Variants in TMEM203 observed in about 807,000 individuals in gnomAD.
The protein encoded by TMEM203 is HBeAg-binding protein 1.
In TMEM203, 4 loss-of-function variants were observed where a neutral mutation model predicts 7.9. That is an observed-to-expected ratio of 0.51 (90% confidence interval 0.25 to 1.16). The LOEUF is 1.16. Among genes scored for constraint, TMEM203 ranks in the 50% most tolerant of loss-of-function variants. The pLI, the probability that TMEM203 is intolerant of heterozygous loss-of-function variation, is 0.15. For missense variants in TMEM203, 127 were observed against 174.4 expected (o/e 0.73, Z 1.53); for synonymous variants, 92 against 82.5 (o/e 1.11, Z -0.62).
In TMEM203 at chr9:137,204,752, C is replaced by G. The variant is rs1234109026; in HGVS notation, c.*252G>C. On this transcript the variant is annotated 3_prime_UTR_variant, in exon 1 of 1. Coordinates refer to ENST00000343666, the MANE Select transcript of TMEM203 (RefSeq NM_053045.2). The stretch of plus-strand genomic sequence containing the variant: ...GGCCTGGGGGGCCTCCTCATGACCT[C>G]AATTCAGGATTATCTACTCAAAGCA... 1 of 521,558 alleles carries G rather than the reference C, an allele frequency of 1.9e-6. No homozygotes were observed. Among genetic ancestry groups the G allele is most frequent in the East Asian group, 3.3e-5 (1 of 30,766 alleles). The allele number at this position is 521,558 out of a possible 1,614,324, so 32.3% of individuals were successfully genotyped here. A position where few individuals can be genotyped will look rare whatever the true frequency, so the allele number is the denominator to read the frequency against.
At position 137,205,358 on chromosome 9, in the gene TMEM203, G is replaced by C. The variant is rs1488115348; in HGVS notation, c.57C>G (p.Ile19Met). ...CCAACAGGGCCAGCAGGTGCACGAA[G>C]ATCTCGAAGGTGGCGAAGCCTAGCC... ...VQWLGFATFE[I>M]FVHLLALLVF... The change falls in exon 1 of 1, where the codon ATC (isoleucine) becomes ATG (methionine). Residue 19 changes from isoleucine (I) to methionine (M), a missense_variant. By Grantham distance (10) the Ile-to-Met change is conservative. Transcript: ENST00000343666. 2 of 1,606,802 alleles carry C rather than the reference G, an allele frequency of 1.2e-6. No homozygotes were observed. The highest frequency in any genetic ancestry group is 1.7e-6 in the Non-Finnish European group (2 of 1,177,314).
Position 137,204,885 on chromosome 9 carries a change from C to G in TMEM203, c.*119G>C, listed in dbSNP as rs973860200. The G allele has an allele frequency of 1.4e-5, 19 of 1,371,338 alleles. No individual in the cohort carries two copies. The highest frequency in any genetic ancestry group is 1.7e-5 in the Non-Finnish European group (18 of 1,033,164). 84.9% of individuals were successfully genotyped at this position (1,371,338 alleles called of 1,614,324 possible). A position where few individuals can be genotyped will look rare whatever the true frequency, so the allele number is the denominator to read the frequency against. ...TAGGGAAACCCGGCACTCAGCTCGG[C>G]GCAAGCCGGCGGTGCCTTCAGACTA... On this transcript the variant is annotated 3_prime_UTR_variant, in exon 1 of 1. Coordinates refer to ENST00000343666, the MANE Select transcript of TMEM203 (RefSeq NM_053045.2).
In TMEM203 at chr9:137,204,760, G is replaced by T; in HGVS notation, c.*244C>A. 1 of 554,744 alleles carries T rather than the reference G, an allele frequency of 1.8e-6. No homozygotes were observed. The highest frequency in any genetic ancestry group is 3.1e-5 in the East Asian group (1 of 32,408). 34.4% of individuals were successfully genotyped at this position (554,744 alleles called of 1,614,324 possible). ...GGGCCTCCTCATGACCTCAATTCAG[G>T]ATTATCTACTCAAAGCATTAAACAA... On this transcript the variant is annotated 3_prime_UTR_variant, in exon 1 of 1. Coordinates refer to ENST00000343666, the MANE Select transcript of TMEM203 (RefSeq NM_053045.2).
rs750625061 is a variant in TMEM203, at chr9:137,204,989, G to A, written c.*15C>T. 12 of 1,595,058 alleles carry A rather than the reference G, an allele frequency of 7.5e-6. No homozygotes were observed. The highest frequency in any genetic ancestry group is 8.6e-6 in the Non-Finnish European group (10 of 1,167,374). On this transcript the variant is annotated 3_prime_UTR_variant, in exon 1 of 1. Transcript: ENST00000343666. ...TCTAGTTGTCCAGCGCTCCCTCTCC[G>A]GCACCTCGGTGAGGCTAGTTGACCC...
In TMEM203 at chr9:137,205,379, T is replaced by G; in HGVS notation, c.36A>C (p.Leu12=). Reference sequence around the variant, plus strand: ...CGAAGATCTCGAAGGTGGCGAAGCCTAGCCACTGCACCAGCTCCCGGAGCG... The same window carrying G: ...CGAAGATCTCGAAGGTGGCGAAGCCGAGCCACTGCACCAGCTCCCGGAGCG... The part of the protein sequence containing the change: ...LFSLRELVQW[L]GFATFEIFVH... The change falls in exon 1 of 1, where the codon CTA becomes CTC. Residue 12 remains leucine, a synonymous_variant. Transcript: ENST00000343666. The G allele has an allele frequency of 6.3e-7, 1 of 1,599,306 alleles. No homozygotes were observed.
In TMEM203 at chr9:137,205,575, T is replaced by A; in HGVS notation, c.-161A>T. On this transcript the variant is annotated 5_prime_UTR_variant, in exon 1 of 1. Coordinates refer to ENST00000343666, the MANE Select transcript of TMEM203 (RefSeq NM_053045.2). ...GCCCTCGGCCCTGATGCGCCGGCAATCCCCCGGCCCCGACCCGGGACTCAA... is the reference window on the plus strand; with the variant it reads ...GCCCTCGGCCCTGATGCGCCGGCAAACCCCCGGCCCCGACCCGGGACTCAA... The A allele has an allele frequency of 8.4e-7, 1 of 1,189,744 alleles. No homozygotes were observed. Among genetic ancestry groups the A allele is most frequent in the Non-Finnish European group, 1.1e-6 (1 of 893,558 alleles). 73.7% of individuals were successfully genotyped at this position (1,189,744 alleles called of 1,614,324 possible).
rs985290864 is a variant in TMEM203, at chr9:137,205,586, C to T, written c.-172G>A. ...TGATGCGCCGGCAATCCCCCGGCCC[C>T]GACCCGGGACTCAACCCTGGCCGCC... is the stretch of plus-strand genomic sequence containing the variant. On this transcript the variant is annotated 5_prime_UTR_variant, in exon 1 of 1. Coordinates refer to ENST00000343666, the MANE Select transcript of TMEM203 (RefSeq NM_053045.2). 36 of 1,210,154 alleles carry T rather than the reference C, an allele frequency of 3.0e-5. No individual in the cohort carries two copies. The highest frequency in any genetic ancestry group is 3.9e-5 in the Non-Finnish European group (35 of 902,296). The allele number at this position is 1,210,154 out of a possible 1,614,324, so 75.0% of individuals were successfully genotyped here. A position where few individuals can be genotyped will look rare whatever the true frequency, so the allele number is the denominator to read the frequency against.
At position 137,205,048 on chromosome 9, in the gene TMEM203, T is replaced by C; in HGVS notation, c.367A>G (p.Ile123Val). ...WFGLITSPLFILLQLLMIRAC... is the reference protein window; with the variant it reads ...WFGLITSPLFVLLQLLMIRAC... ...CGGATCATGAGCAGCTGCAGGAGAA[T>C]GAAGAGCGGGGACGTAATGAGGCCG... Residue 123 changes from isoleucine (I) to valine (V), a missense_variant, in exon 1 of 1, where the codon ATT becomes GTT. Coordinates refer to ENST00000343666, the MANE Select transcript of TMEM203 (RefSeq NM_053045.2). 3.7e-6 allele frequency: 6 copies of C among 1,612,534 alleles called. No individual in the cohort carries two copies. The highest frequency in any genetic ancestry group is 5.1e-6 in the Non-Finnish European group (6 of 1,179,742).
Position 137,205,149 on chromosome 9 carries a change from G to GT in TMEM203, c.265dup (p.Thr89AsnfsTer65). 1 of 1,612,836 alleles carries GT rather than the reference G, an allele frequency of 6.2e-7. No individual in the cohort carries two copies. The highest frequency in any genetic ancestry group is 8.5e-7 in the Non-Finnish European group (1 of 1,179,962). The stretch of plus-strand genomic sequence containing the variant: ...GAAGACGAACTTGAGACTCAGGACC[G>GT]TAAGTACCCAGAAAAGGCGGAGCAC... On this transcript the variant is annotated frameshift_variant, in exon 1 of 1. Coordinates refer to ENST00000343666, the MANE Select transcript of TMEM203 (RefSeq NM_053045.2). LOFTEE classifies it high-confidence loss of function.
rs926512396 is a variant in TMEM203, at chr9:137,204,089, A to G, written c.*915T>C. On this transcript the variant is annotated 3_prime_UTR_variant, in exon 1 of 1. Transcript: ENST00000343666. ...ACAGGCAACCACTATTCATTTCAGG[A>G]AAACATTCTCTTACTTTATTTGCAT... is the stretch of plus-strand genomic sequence containing the variant. The G allele has an allele frequency of 6.6e-6, 1 of 152,222 alleles. No homozygotes were observed. The highest frequency in any genetic ancestry group is 1.5e-5 in the Non-Finnish European group (1 of 68,036). The allele number at this position is 152,222 out of a possible 1,614,324, so 9.4% of individuals were successfully genotyped here.
rs775591653 is a variant in TMEM203 at position 137,205,136 on chromosome 9, G to A, written c.279C>T (p.Leu93=). Residue 93 remains leucine (L), a synonymous_variant, in exon 1 of 1, where the codon CTC becomes CTT. Transcript: ENST00000343666. ...ACAACAGCATCTCGAAGACGAACTT[G>A]AGACTCAGGACCGTAAGTACCCAGA... The part of the protein sequence containing the change: ...RLFWVLTVLS[L]KFVFEMLLCQ... 4.3e-6 allele frequency: 7 copies of A among 1,612,944 alleles called. No homozygotes were observed. The South Asian group carries it at 6.6e-5, about 15-fold the overall frequency.
chr9:137,205,586 C>A lies in TMEM203; in HGVS notation c.-172G>T. The A allele has an allele frequency of 8.3e-7, 1 of 1,210,268 alleles. No homozygotes were observed. The highest frequency in any genetic ancestry group is 1.1e-6 in the Non-Finnish European group (1 of 902,288). The allele number at this position is 1,210,268 out of a possible 1,614,324, so 75.0% of individuals were successfully genotyped here. On this transcript the variant is annotated 5_prime_UTR_variant, in exon 1 of 1. Transcript: ENST00000343666. ...TGATGCGCCGGCAATCCCCCGGCCC[C>A]GACCCGGGACTCAACCCTGGCCGCC...
rs1485302751 is a variant in TMEM203 at position 137,204,878 on chromosome 9, AG to A, written c.*125del. 3.0e-6 allele frequency: 4 copies of A among 1,313,660 alleles called. No individual in the cohort carries two copies. In the African/African-American group the frequency reaches 6.0e-5, roughly 20 times the overall value. The allele number at this position is 1,313,660 out of a possible 1,614,324, so 81.4% of individuals were successfully genotyped here. On this transcript the variant is annotated 3_prime_UTR_variant, in exon 1 of 1. Coordinates refer to ENST00000343666, the MANE Select transcript of TMEM203 (RefSeq NM_053045.2). The stretch of plus-strand genomic sequence containing the variant: ...ATTGGAATAGGGAAACCCGGCACTC[AG>A]CTCGGCGCAAGCCGGCGGTGCCTTC...
chr9:137,205,449 G>C lies in TMEM203; in HGVS notation c.-35C>G. On this transcript the variant is annotated 5_prime_UTR_variant, in exon 1 of 1. Coordinates refer to ENST00000343666, the MANE Select transcript of TMEM203 (RefSeq NM_053045.2). ...TGAGCGCGGGCCGGGGCCCGGCCGA[G>C]CGTGCCACCCGCGGGGCTGCGTCTC... The C allele has an allele frequency of 2.0e-6, 3 of 1,471,590 alleles. No individual in the cohort carries two copies. The highest frequency in any genetic ancestry group is 2.7e-6 in the Non-Finnish European group (3 of 1,107,592). The allele number at this position is 1,471,590 out of a possible 1,614,324, so 91.2% of individuals were successfully genotyped here. A position where few individuals can be genotyped will look rare whatever the true frequency, so the allele number is the denominator to read the frequency against.
In TMEM203 at chr9:137,204,963, T is replaced by A. The variant is rs1049809524; in HGVS notation, c.*41A>T. The stretch of plus-strand genomic sequence containing the variant: ...GTAGGGCCTCGGCTCGAGGTCAACA[T>A]TCTAGTTGTCCAGCGCTCCCTCTCC... On this transcript the variant is annotated 3_prime_UTR_variant, in exon 1 of 1. Transcript: ENST00000343666. 1.3e-6 allele frequency: 2 copies of A among 1,570,410 alleles called. No homozygotes were observed. The highest frequency in any genetic ancestry group is 1.7e-6 in the Non-Finnish European group (2 of 1,154,808).
rs1834886923 is a variant in TMEM203, at chr9:137,204,780, A to G, written c.*224T>C. The G allele has an allele frequency of 3.2e-6, 2 of 623,114 alleles. No individual in the cohort carries two copies. Among genetic ancestry groups the G allele is most frequent in the Non-Finnish European group, 5.4e-6 (2 of 370,196 alleles). 38.6% of individuals were successfully genotyped at this position (623,114 alleles called of 1,614,324 possible). On this transcript the variant is annotated 3_prime_UTR_variant, in exon 1 of 1. Transcript: ENST00000343666. ...TTCAGGATTATCTACTCAAAGCATT[A>G]AACAAAAGGAAATACATTTTCAGGA... is the stretch of plus-strand genomic sequence containing the variant.
chr9:137,205,381 G>A lies in TMEM203; in HGVS notation c.34C>T (p.Leu12=), dbSNP rs1157268978. Residue 12 remains leucine (L), a synonymous_variant, in exon 1 of 1, where the codon CTA becomes TTA. Coordinates refer to ENST00000343666, the MANE Select transcript of TMEM203 (RefSeq NM_053045.2). The part of the protein sequence containing the change: ...LFSLRELVQW[L]GFATFEIFVH... ...AAGATCTCGAAGGTGGCGAAGCCTA[G>A]CCACTGCACCAGCTCCCGGAGCGAG... 1 of 1,597,510 alleles carries A rather than the reference G, an allele frequency of 6.3e-7. No homozygotes were observed. The highest frequency in any genetic ancestry group is 1.1e-5 in the South Asian group (1 of 89,528).
rs1054746818 is a variant in TMEM203, at chr9:137,204,580, C to T, written c.*424G>A. The T allele has an allele frequency of 5.8e-6, 1 of 172,916 alleles. No homozygotes were observed. Among genetic ancestry groups the T allele is most frequent in the Admixed American group, 5.5e-5 (1 of 18,116 alleles). The allele number at this position is 172,916 out of a possible 1,614,324, so 10.7% of individuals were successfully genotyped here. On this transcript the variant is annotated 3_prime_UTR_variant, in exon 1 of 1. Transcript: ENST00000343666. The stretch of plus-strand genomic sequence containing the variant: ...ACGGCACAGGGAGCTCTTAGGTCAG[C>T]GCTGCTGGTTGGAGGACATTCCTGA...
Position 137,205,505 on chromosome 9 carries a change from G to T in TMEM203, c.-91C>A. ...CCCGTGGCCCTCGCCCGCGCCTGCC[G>T]CCGCTGCTGCGAGCGAGAGGCAGCG... On this transcript the variant is annotated 5_prime_UTR_variant, in exon 1 of 1. Coordinates refer to ENST00000343666, the MANE Select transcript of TMEM203 (RefSeq NM_053045.2). The T allele has an allele frequency of 7.8e-7, 1 of 1,289,290 alleles. No homozygotes were observed. The highest frequency in any genetic ancestry group is 9.9e-7 in the Non-Finnish European group (1 of 1,005,958). The allele number at this position is 1,289,290 out of a possible 1,614,324, so 79.9% of individuals were successfully genotyped here.
Sources: allele counts gnomAD v4.1 joint callset, GRCh38; gene constraint gnomAD v4.1.1; transcripts MANE v1.5; gene names NCBI Gene and HGNC (gene_info 2026-07-23, HGNC 2026-07-21).